NCOA7: variants seen among roughly 807,000 people sequenced by gnomAD.
NCOA7 encodes 140 kDa estrogen receptor-associated protein.
NCOA7 carries 45 observed loss-of-function variants against 104.3 expected under a neutral mutation model. The observed-to-expected ratio is 0.43, with a 90% confidence interval of 0.34 to 0.55. The LOEUF (loss-of-function observed/expected upper bound fraction) is 0.55, where lower values mean the gene tolerates loss of function less well. Ranked by LOEUF, NCOA7 falls within the 20% of genes least tolerant of loss-of-function variation. The pLI is 0.02. For missense variants in NCOA7, 1,041 were observed against 1,119.7 expected (o/e 0.93, Z 1.00); for synonymous variants, 398 against 402.3 (o/e 0.99, Z 0.13).
At chr6:125,882,302 C>T in intron 6 of NCOA7, 124 bp from the exon 7 acceptor site, 1 of 895,158 alleles carries the variant, frequency 1.1e-6, no homozygotes, top group Non-Finnish European at 1.7e-6. Flanking sequence ...AGGATATTTG[C>T]CTTTTTAATG....
intron 2 of NCOA7, among the ~76,000 whole-genome samples, chr6:125,826,880 T>C (rs1778702741): frequency 1.3e-5 from 2 of 151,892 alleles, no homozygotes; most frequent in African/African-American, 4.8e-5. Context: ...TATCACCCCA[T>C]GGTGGAAGGT....
At chr6:125,891,090 T>C (rs1784589456) in intron 10 of NCOA7, among the ~76,000 whole-genome samples, 1 of 152,212 alleles carries the variant, frequency 6.6e-6, no homozygotes. Flanking sequence ...TGTTCTCAAG[T>C]ACCAGTAATT....
intron 3 of NCOA7, among the ~76,000 whole-genome samples, chr6:125,869,874 A>G (rs929847880): frequency 8.5e-5 from 13 of 152,254 alleles, no homozygotes; most frequent in Non-Finnish European, 1.9e-4. Flanking sequence ...GACCCATGCC[A>G]GACTTCTAAT....
upstream of NCOA7, among the ~76,000 whole-genome samples, chr6:125,788,771 T>C (rs1026012366): frequency 1.3e-5 from 2 of 150,654 alleles, no homozygotes; most frequent in Non-Finnish European, 3.0e-5. Context: ...CTCGATCTCT[T>C]GACCTCGTGA....
intron 1 of NCOA7, among the ~76,000 whole-genome samples, chr6:125,784,169 A>G (rs919637082): frequency 7.9e-5 from 12 of 152,252 alleles, no homozygotes; most frequent in Non-Finnish European, 1.3e-4. Flanking sequence ...CAGTTTTTCA[A>G]TTTGATCTCA....
chr6:125,851,274 C>T (rs1016365341), intron 2 of NCOA7, among the ~76,000 whole-genome samples: 1 of 152,126 alleles, frequency 6.6e-6, no homozygotes, highest in Non-Finnish European at 1.5e-5. Context: ...TCCCACCCTC[C>T]TCTGGTCCAT....
At chr6:125,835,756 A>T (rs1298462821) in intron 2 of NCOA7, among the ~76,000 whole-genome samples, 1 of 152,180 alleles carries the variant, frequency 6.6e-6, no homozygotes, top group Non-Finnish European at 1.5e-5. Flanking sequence ...TCCTTCCTGG[A>T]GCTAGGATGA....
chr6:125,840,717 C>T (rs1349311739), intron 2 of NCOA7, among the ~76,000 whole-genome samples: 1 of 150,554 alleles, frequency 6.6e-6, no homozygotes, highest in Non-Finnish European at 1.5e-5. Flanking sequence ...CAGGGTCTTT[C>T]TAGGCTGGTC....
chr6:125,895,922 A>G (rs1017512298), intron 10 of NCOA7, among the ~76,000 whole-genome samples: 1 of 151,630 alleles, frequency 6.6e-6, no homozygotes, highest in Non-Finnish European at 1.5e-5. Context: ...AGGGTCACAG[A>G]TCTCAACCAT....
At chr6:125,866,774 T>C (rs1782474826) in intron 3 of NCOA7, among the ~76,000 whole-genome samples, 1 of 152,206 alleles carries the variant, frequency 6.6e-6, no homozygotes, top group Non-Finnish European at 1.5e-5. Flanking sequence ...TTTTTGGTGA[T>C]GTCACTGCAA....
At chr6:125,814,026 T>C (rs188606399) in intron 1 of NCOA7, among the ~76,000 whole-genome samples, 1 of 152,320 alleles carries the variant, frequency 6.6e-6, no homozygotes, top group African/African-American at 2.4e-5. Flanking sequence ...ATCATGTCTT[T>C]ATCTTTGACC....
At chr6:125,883,442 C>T (rs544432102) in intron 7 of NCOA7, among the ~76,000 whole-genome samples, 1 of 152,222 alleles carries the variant, frequency 6.6e-6, no homozygotes, top group South Asian at 2.1e-4. Flanking sequence ...CATAGTTGTG[C>T]AACCATCACC....
chr6:125,925,445 CATTTA>C (rs946574114), intron 13 of NCOA7, among the ~76,000 whole-genome samples: 1 of 152,210 alleles, frequency 6.6e-6, no homozygotes, highest in Non-Finnish European at 1.5e-5. Flanking sequence ...AAGGAACCTA[CATTTA>C]ATTGAATCAG....
chr6:125,784,745 A>G (rs923461148), intron 1 of NCOA7, among the ~76,000 whole-genome samples: 3 of 152,214 alleles, frequency 2.0e-5, no homozygotes, highest in African/African-American at 4.8e-5. Context: ...TAACTTGGAT[A>G]GATCTCAAGG....
intron 15 of NCOA7, 65 bp downstream of exon 15, chr6:125,928,312 T>C: frequency 1.4e-6 from 2 of 1,414,752 alleles, no homozygotes; most frequent in Non-Finnish European, 2.0e-6. Flanking sequence ...TGGGTCTGTT[T>C]TGACCTACGT....
intron 2 of NCOA7, among the ~76,000 whole-genome samples, chr6:125,840,113 A>G (rs1779993032): frequency 6.6e-6 from 1 of 152,050 alleles, no homozygotes; most frequent in Non-Finnish European, 1.5e-5. Context: ...GGTGGAAGAC[A>G]ATGACGTTGA....
At chr6:125,811,713 C>G (rs893480090) in intron 1 of NCOA7, among the ~76,000 whole-genome samples, 1 of 151,984 alleles carries the variant, frequency 6.6e-6, no homozygotes, top group Admixed American at 6.6e-5. Context: ...CTTCTTTCTC[C>G]TTGCACTCGA....
At chr6:125,888,847 T>C in intron 8 of NCOA7, 92 bp from the exon 9 acceptor site, 1 of 891,404 alleles carries the variant, frequency 1.1e-6, no homozygotes, top group Non-Finnish European at 1.7e-6. Flanking sequence ...GGTTTTTGGT[T>C]GAGTTTCTGT....
chr6:125,898,415 A>G (rs1785223134), intron 10 of NCOA7, among the ~76,000 whole-genome samples: 1 of 152,222 alleles, frequency 6.6e-6, no homozygotes, highest in Non-Finnish European at 1.5e-5. Flanking sequence ...AGGAATATCA[A>G]AGAAATTAAC....
Sources: gnomAD v4.1 joint callset for allele counts (sites outside exome capture counted in the v4.1 genomes callset) on GRCh38, gnomAD v4.1.1 for gene constraint, MANE v1.5 for transcripts, NCBI Gene and HGNC (gene_info 2026-07-23, HGNC 2026-07-21) for gene names.